Variants in PTPRD observed in about 807,000 individuals in gnomAD.
The protein encoded by PTPRD is receptor-type tyrosine-protein phosphatase delta.
PTPRD carries 34 observed loss-of-function variants against 214.5 expected under a neutral mutation model. That is an observed-to-expected ratio of 0.16 (90% CI 0.12 to 0.21). The LOEUF is 0.21. PTPRD is among the 10% of genes least tolerant of loss of function. The pLI is 1.00. For missense variants in PTPRD, 2,545 were observed against 2,398.7 expected (o/e 1.06, Z -1.27); for synonymous variants, 1,128 against 845.7 (o/e 1.33, Z -5.79).
chr9:8,340,987 A>G, intron 41 of PTPRD, 103 bp downstream of exon 41: 1 of 1,225,256 alleles, frequency 8.2e-7, no homozygotes, highest in South Asian at 1.8e-5. Context: ...ACCTATGCAG[A>G]AAGAAAATGT....
At chr9:9,490,147 A>G (rs981104148) in intron 8 of PTPRD, among the ~76,000 whole-genome samples, 20 of 152,124 alleles carry the variant, frequency 1.3e-4, no homozygotes, top group Admixed American at 1.2e-3. Flanking sequence ...CAAGAATGCT[A>G]TAGTTGGCAA....
At chr9:9,754,435 C>G (rs1455702596) in intron 6 of PTPRD, among the ~76,000 whole-genome samples, 1 of 152,008 alleles carries the variant, frequency 6.6e-6, no homozygotes, top group African/African-American at 2.4e-5. Context: ...CTCGGTGACC[C>G]TCTTCAAGTT....
At chr9:10,560,521 C>A (rs933052194) in intron 2 of PTPRD, among the ~76,000 whole-genome samples, 1 of 151,984 alleles carries the variant, frequency 6.6e-6, no homozygotes, top group African/African-American at 2.4e-5. Flanking sequence ...AACTAACCTG[C>A]ACATTGTGCA....
chr9:9,982,469 G>T (rs949589485), intron 4 of PTPRD, among the ~76,000 whole-genome samples: 8 of 53,718 alleles, frequency 1.5e-4, no homozygotes, highest in Admixed American at 6.7e-4. Flanking sequence ...TTGTTGTGGT[G>T]GTGGTGGTGT....
At chr9:8,445,678 A>G (rs2095696898) in intron 34 of PTPRD, among the ~76,000 whole-genome samples, 1 of 152,146 alleles carries the variant, frequency 6.6e-6, no homozygotes, top group African/African-American at 2.4e-5. Context: ...TAGAAAAACT[A>G]CCATTTAGGG....
rs933190318 is a variant in PTPRD at position 8,316,372 on chromosome 9, C to T, written c.*1502G>A. ...TCTAAATGCAAAACTAAAACCAAAA[C>T]GAAACAAAGTACAGCACTTCCCAGG... On this transcript the variant is annotated 3_prime_UTR_variant, in exon 46 of 46. Transcript: ENST00000381196. 5.6e-5 allele frequency: 13 copies of T among 231,264 alleles called. No homozygotes were observed. Among genetic ancestry groups the T allele is most frequent in the Non-Finnish European group, 6.9e-5 (8 of 116,688 alleles). The allele number at this position is 231,264 out of a possible 1,614,324, so 14.3% of individuals were successfully genotyped here.
chr9:9,323,189 C>G (rs1009581738), intron 9 of PTPRD, among the ~76,000 whole-genome samples: 1 of 151,710 alleles, frequency 6.6e-6, no homozygotes, highest in East Asian at 1.9e-4. Context: ...ATTATACCAT[C>G]CAAATCATTA....
At chr9:9,987,791 T>C (rs2095772296) in intron 4 of PTPRD, among the ~76,000 whole-genome samples, 2 of 152,234 alleles carry the variant, frequency 1.3e-5, no homozygotes, top group Non-Finnish European at 2.9e-5. Flanking sequence ...ATGTATGGAA[T>C]AAATTCTTTC....
intron 9 of PTPRD, among the ~76,000 whole-genome samples, chr9:9,198,816 T>C (rs1353795922): frequency 6.6e-6 from 1 of 152,146 alleles, no homozygotes; most frequent in Non-Finnish European, 1.5e-5. Context: ...TGACTGCATA[T>C]AGTATATCTT....
chr9:10,008,297 T>C (rs1036082427), intron 4 of PTPRD, among the ~76,000 whole-genome samples: 4 of 151,886 alleles, frequency 2.6e-5, no homozygotes, highest in Admixed American at 2.6e-4. Context: ...TCTCAAAAGA[T>C]TTGCTGAATT....
intron 2 of PTPRD, among the ~76,000 whole-genome samples, chr9:10,506,478 T>C (rs554907059): frequency 1.3e-4 from 20 of 152,278 alleles, no homozygotes; most frequent in African/African-American, 3.6e-4. Context: ...AATAGTATAA[T>C]TGGATTGTTT....
At chr9:9,542,864 G>A (rs2077924409) in intron 8 of PTPRD, among the ~76,000 whole-genome samples, 1 of 151,646 alleles carries the variant, frequency 6.6e-6, no homozygotes, top group Non-Finnish European at 1.5e-5. Flanking sequence ...AGGGTTTTGT[G>A]CTGCAGGAGC....
intron 5 of PTPRD, among the ~76,000 whole-genome samples, chr9:9,828,586 G>A (rs140342548): frequency 6.6e-6 from 1 of 152,004 alleles, no homozygotes; most frequent in East Asian, 1.9e-4. Flanking sequence ...CACCAACAGG[G>A]CACATGTATA....
At chr9:8,944,837 C>T (rs1047791877) in intron 11 of PTPRD, among the ~76,000 whole-genome samples, 34 of 151,774 alleles carry the variant, frequency 2.2e-4, no homozygotes, top group Non-Finnish European at 1.2e-4. Flanking sequence ...TTTGATAGCA[C>T]ACCAGAATGA....
intron 12 of PTPRD, among the ~76,000 whole-genome samples, chr9:8,673,652 T>C (rs2097334994): frequency 6.6e-6 from 1 of 152,202 alleles, no homozygotes; most frequent in African/African-American, 2.4e-5. Context: ...TTTTAATTTA[T>C]CCCTCTAATT....
At chr9:8,336,628 C>CA (rs764320816) in intron 43 of PTPRD, among the ~76,000 whole-genome samples, 62,354 of 114,168 alleles carry the variant, frequency 0.55, 15,472 homozygotes, top group Non-Finnish European at 0.61. Context: ...TTCTGCAGAG[C>CA]AAAAAAAAAA....
intron 3 of PTPRD, among the ~76,000 whole-genome samples, chr9:10,221,835 C>T (rs190742872): frequency 2.3e-4 from 35 of 151,732 alleles, no homozygotes; most frequent in Non-Finnish European, 4.3e-4. Context: ...ATAATACAAG[C>T]ACTTGTGAAA....
intron 32 of PTPRD, among the ~76,000 whole-genome samples, chr9:8,463,406 A>G (rs1474831698): frequency 6.7e-6 from 1 of 149,132 alleles, no homozygotes; most frequent in Non-Finnish European, 1.5e-5. Context: ...ATGATTTTTT[A>G]TATAATTGTT....
chr9:8,808,437 C>G lies in PTPRD; in HGVS notation c.-103-74491G>C, dbSNP rs567587952. Among the ~76,000 whole-genome samples, 3 of 149,976 alleles carry G rather than the reference C, an allele frequency of 2.0e-5. No individual in the cohort carries two copies. The South Asian group carries it at 6.4e-4, about 32-fold the overall frequency. On this transcript the variant is annotated intron_variant, in intron 11 of 45. Coordinates refer to ENST00000381196, the MANE Select transcript of PTPRD (RefSeq NM_002839.4). Reference sequence around the variant, plus strand: ...AACACCAAATACAAAATTTATATGCCAGTAGAATTTTAAAAGCCCCCCACC... The same window carrying G: ...AACACCAAATACAAAATTTATATGCGAGTAGAATTTTAAAAGCCCCCCACC...
Sources: allele counts gnomAD v4.1 joint callset (sites outside exome capture counted in the v4.1 genomes callset), GRCh38; gene constraint gnomAD v4.1.1; transcripts MANE v1.5; gene names NCBI Gene and HGNC (gene_info 2026-07-23, HGNC 2026-07-21).